TPO: variants seen among roughly 807,000 people sequenced by gnomAD.
TPO encodes thyroid peroxidase, also known as thyroid microsomal antigen.
Under a neutral mutation model 96.9 loss-of-function variants are expected in TPO, and 78 were observed. That is an observed-to-expected ratio of 0.81 (90% CI 0.67 to 0.97). TPO has a LOEUF of 0.97. Ranked by LOEUF, TPO falls within the 50% of genes least tolerant of loss-of-function variation. The pLI, the probability that TPO is intolerant of heterozygous loss-of-function variation, is 0.00. For missense variants in TPO, 1,252 were observed against 1,274.8 expected (o/e 0.98, Z 0.27); for synonymous variants, 547 against 538.0 (o/e 1.02, Z -0.23).
In TPO at chr2:1,540,487, G is replaced by A. The variant is rs558185538; in HGVS notation, c.2619-107G>A. On this transcript the variant is annotated intron_variant, in intron 15 of 16. Transcript: ENST00000329066. ...AATGAAAGTGGGTTGGAGTGTTCCT[G>A]CCAAAGACAAGCACGGCTGCCTTGC... The A allele has an allele frequency of 1.9e-5, 31 of 1,596,910 alleles. No individual in the cohort carries two copies. The South Asian group carries it at 3.1e-4, about 16-fold the overall frequency.
chr2:1,453,468 C>T (rs1467588055), intron 5 of TPO, among the ~76,000 whole-genome samples: 2 of 152,040 alleles, frequency 1.3e-5, no homozygotes, highest in East Asian at 1.9e-4. Context: ...GTGCTGAGCT[C>T]GGGAGAGGGT....
intron 15 of TPO, among the ~76,000 whole-genome samples, chr2:1,526,115 C>A (rs1558409263): frequency 1.0e-5 from 1 of 95,648 alleles, no homozygotes; most frequent in Non-Finnish European, 2.0e-5. Context: ...CAAATCCCCC[C>A]GACTCTGTGC....
chr2:1,409,146 A>G (rs943618345), upstream of TPO, among the ~76,000 whole-genome samples: 1 of 152,166 alleles, frequency 6.6e-6, no homozygotes, highest in African/African-American at 2.4e-5. Flanking sequence ...CCGTCCCCAG[A>G]GTCCATGAGA....
chr2:1,541,127 C>T, intron 16 of TPO: 1 of 1,188,108 alleles, frequency 8.4e-7, no homozygotes, highest in Non-Finnish European at 1.1e-6. Flanking sequence ...GTTTTACCCC[C>T]TTACCTTGTA....
At chr2:1,467,107 AT>A (rs556928051) in intron 7 of TPO, among the ~76,000 whole-genome samples, 3,249 of 146,122 alleles carry the variant, frequency 0.022, 44 homozygotes, top group South Asian at 0.1. Context: ...AGTTCAAAGA[AT>A]TTTTTTTTTT....
intron 10 of TPO, among the ~76,000 whole-genome samples, chr2:1,489,209 TGCCCAGCACAC>T (rs1282025312): frequency 7.1e-6 from 1 of 140,082 alleles, no homozygotes. Context: ...GCCCAGCACA[TGCCCAGCACAC>T]GCCTGCACAT....
chr2:1,463,860 C>T (rs373073422), intron 7 of TPO, among the ~76,000 whole-genome samples: 12 of 152,310 alleles, frequency 7.9e-5, no homozygotes, highest in African/African-American at 2.4e-4. Flanking sequence ...GTACATATTA[C>T]AAAGTGGAGT....
intron 15 of TPO, among the ~76,000 whole-genome samples, chr2:1,523,422 T>C (rs1675647576): frequency 7.0e-6 from 1 of 143,346 alleles, no homozygotes; most frequent in East Asian, 2.2e-4. Flanking sequence ...CCTCCCACTC[T>C]GTGCAACCTC....
At chr2:1,480,102 AAAT>A (rs1187136997) in intron 8 of TPO, among the ~76,000 whole-genome samples, 2 of 152,172 alleles carry the variant, frequency 1.3e-5, no homozygotes, top group Admixed American at 6.5e-5. Flanking sequence ...ATTATTAATG[AAAT>A]AATAACAACA....
At chr2:1,512,831 G>A (rs1453635138) in intron 14 of TPO, among the ~76,000 whole-genome samples, 1 of 152,212 alleles carries the variant, frequency 6.6e-6, no homozygotes, top group East Asian at 1.9e-4. Flanking sequence ...GCTGGGAGGT[G>A]AACAGCTGGG....
intron 7 of TPO, among the ~76,000 whole-genome samples, chr2:1,463,428 C>T (rs561352432): frequency 4.6e-5 from 7 of 152,234 alleles, no homozygotes; most frequent in East Asian, 1.9e-4. Flanking sequence ...TGAGTATTTA[C>T]GGTGGAGTGA....
chr2:1,398,528 T>C (rs1662119849), intron 1 of TPO, among the ~76,000 whole-genome samples: 1 of 152,206 alleles, frequency 6.6e-6, no homozygotes, highest in Admixed American at 6.5e-5. Flanking sequence ...GCTCCTGTTG[T>C]GGCCCCAGCA....
chr2:1,473,399 A>G (rs540140955), intron 7 of TPO, among the ~76,000 whole-genome samples: 1 of 152,288 alleles, frequency 6.6e-6, no homozygotes, highest in African/African-American at 2.4e-5. Context: ...TTTTATTAAC[A>G]GATTCATCTG....
chr2:1,469,461 G>T (rs1669188322), intron 7 of TPO, among the ~76,000 whole-genome samples: 1 of 152,150 alleles, frequency 6.6e-6, no homozygotes, highest in Non-Finnish European at 1.5e-5. Flanking sequence ...GAGCTAAGGT[G>T]TAGTTATTGT....
chr2:1,394,361 C>T (rs915740551), intron 1 of TPO, among the ~76,000 whole-genome samples: 5 of 152,196 alleles, frequency 3.3e-5, no homozygotes, highest in Non-Finnish European at 5.9e-5. Flanking sequence ...GGTACATCAT[C>T]GGGCTTCGAT....
chr2:1,389,146 T>C (rs1298851908), intron 1 of TPO, among the ~76,000 whole-genome samples: 1 of 152,142 alleles, frequency 6.6e-6, no homozygotes, highest in Non-Finnish European at 1.5e-5. Flanking sequence ...GGGCAGGGCC[T>C]GGCTCAGGTC....
In TPO at chr2:1,496,516, G is replaced by T; in HGVS notation, c.2216-79G>T. ...GCACCAGCCCCTCCAGGGCACAAGC[G>T]CACCCGTGACAGGGACGTTGGTGTG... On this transcript the variant is annotated intron_variant, in intron 12 of 16. Transcript: ENST00000329066. 1.9e-6 allele frequency: 3 copies of T among 1,595,058 alleles called. 1 individual carries two copies. Among genetic ancestry groups the T allele is most frequent in the Middle Eastern group, 4.5e-4 (2 of 4,490 alleles).
chr2:1,533,255 A>C (rs1478243385), intron 15 of TPO, among the ~76,000 whole-genome samples: 3 of 35,726 alleles, frequency 8.4e-5, no homozygotes, highest in Non-Finnish European at 4.4e-5. Flanking sequence ...CCCCCACACT[A>C]TGTGCAACCT....
At position 1,433,428 on chromosome 2, in the gene TPO, T is replaced by C; in HGVS notation, c.180-10T>C. ...AATAATCTATTTTATATCTTCTTTA[T>C]GTGCCATAGAAACCTCAAGAAAAGA... On this transcript the variant is annotated splice_polypyrimidine_tract_variant and intron_variant, in intron 3 of 16. Coordinates refer to ENST00000329066, the MANE Select transcript of TPO (RefSeq NM_001206744.2). The C allele has an allele frequency of 6.2e-7, 1 of 1,614,138 alleles. No homozygotes were observed. The highest frequency in any genetic ancestry group is 8.5e-7 in the Non-Finnish European group (1 of 1,180,004).
Sources: allele counts gnomAD v4.1 joint callset (sites outside exome capture counted in the v4.1 genomes callset), GRCh38; gene constraint gnomAD v4.1.1; transcripts MANE v1.5; gene names NCBI Gene and HGNC (gene_info 2026-07-23, HGNC 2026-07-21).